MICAL3: variants seen among roughly 807,000 people sequenced by gnomAD.
MICAL3 encodes the protein [F-actin]-monooxygenase MICAL3.
A neutral mutation model predicts 207.4 loss-of-function variants in MICAL3; 62 were observed. The ratio of observed to expected loss-of-function variants is 0.30; its 90% CI spans 0.24 to 0.37. The LOEUF (loss-of-function observed/expected upper bound fraction) is 0.37. Among genes scored for constraint, MICAL3 ranks in the 10% least tolerant of loss-of-function variants. The probability of loss-of-function intolerance (pLI) is 1.00; values close to 1 mark genes in which losing one functional copy is unlikely to be tolerated. For missense variants in MICAL3, 2,368 were observed against 2,635.6 expected (o/e 0.90, Z 2.22); for synonymous variants, 1,077 against 1,069.3 (o/e 1.01, Z -0.14).
intron 1 of MICAL3, among the ~76,000 whole-genome samples, chr22:18,012,214 G>A (rs992809568): frequency 3.3e-5 from 5 of 152,314 alleles, no homozygotes; most frequent in East Asian, 1.9e-4. Flanking sequence ...AATCCTGGGC[G>A]ACAAAGCAAG....
intron 1 of MICAL3, among the ~76,000 whole-genome samples, chr22:17,947,632 A>T (rs1391291387): frequency 6.6e-6 from 1 of 152,082 alleles, no homozygotes; most frequent in African/African-American, 2.4e-5. Flanking sequence ...ATCATAGCTC[A>T]CTGTTAACCT....
intron 1 of MICAL3, among the ~76,000 whole-genome samples, chr22:17,987,180 G>A (rs1304982838): frequency 6.6e-6 from 1 of 152,182 alleles, no homozygotes; most frequent in African/African-American, 2.4e-5. Context: ...GTTCCAGGCT[G>A]CAGTGAGCTA....
intron 19 of MICAL3, among the ~76,000 whole-genome samples, chr22:17,851,763 A>G (rs1204030506): frequency 1.3e-5 from 2 of 152,220 alleles, no homozygotes; most frequent in Non-Finnish European, 2.9e-5. Flanking sequence ...AATTCTGACG[A>G]AGACGCCAAT....
intron 25 of MICAL3, 62 bp from the exon 26 acceptor site, chr22:17,819,191 TC>T: frequency 7.1e-7 from 1 of 1,408,506 alleles, no homozygotes. Flanking sequence ...AGCAGCATCC[TC>T]GGGGAGCCTT....
chr22:17,850,400 G>GTTTTTTTTTTTTTTTTT (rs565667574), intron 19 of MICAL3, among the ~76,000 whole-genome samples: 2 of 74,418 alleles, frequency 2.7e-5, no homozygotes, highest in Non-Finnish European at 2.6e-5. Context: ...TTTTGAATTA[G>GTTTTTTTTTTTTTTTTT]TTTTTTTTTT....
intron 1 of MICAL3, among the ~76,000 whole-genome samples, chr22:17,944,529 C>T (rs1372320856): frequency 6.6e-6 from 1 of 152,180 alleles, no homozygotes; most frequent in Non-Finnish European, 1.5e-5. Context: ...AGAGCCGACC[C>T]AGCCTCCGCT....
intron 19 of MICAL3, among the ~76,000 whole-genome samples, chr22:17,859,533 T>C (rs1383333485): frequency 1.3e-5 from 2 of 152,198 alleles, no homozygotes; most frequent in Non-Finnish European, 2.9e-5. Context: ...TAATGCAGGC[T>C]AGTCCCTCCA....
At chr22:17,920,383 C>T (rs1002452823) in intron 1 of MICAL3, among the ~76,000 whole-genome samples, 3 of 152,166 alleles carry the variant, frequency 2.0e-5, no homozygotes, top group Non-Finnish European at 4.4e-5. Context: ...GACCCTCTTC[C>T]GGTCATCTTT....
intron 14 of MICAL3, 25 bp downstream of exon 14, chr22:17,887,298 C>A (rs756939516): frequency 1.2e-6 from 2 of 1,610,250 alleles, no homozygotes; most frequent in Admixed American, 3.3e-5. Context: ...AGCTTTGCAG[C>A]CCATCAAGAG....
rs1386719858 is a variant in MICAL3, at chr22:17,917,142, T to C, written c.-74-10256A>G. 9.2e-5 allele frequency among the ~76,000 whole-genome samples: 14 copies of C among 152,026 alleles called. No individual in the cohort carries two copies. In the East Asian group the frequency reaches 1.4e-3, roughly 15 times the overall value. ...GTGCCCTGGAGGATCCTCCCTCCCG[T>C]AGATTTATCTACACAGTATCAATAA... On this transcript the variant is annotated intron_variant, in intron 1 of 31. Transcript: ENST00000441493.
intron 21 of MICAL3, among the ~76,000 whole-genome samples, chr22:17,828,320 C>T (rs1275412105): frequency 1.3e-5 from 2 of 152,134 alleles, no homozygotes; most frequent in African/African-American, 2.4e-5. Context: ...GTCATTCTGC[C>T]GCCAGCCGGC....
intron 1 of MICAL3, among the ~76,000 whole-genome samples, chr22:17,920,803 C>G (rs917794416): frequency 6.6e-6 from 1 of 152,176 alleles, no homozygotes; most frequent in East Asian, 1.9e-4. Context: ...CTGTTCTCCA[C>G]TCCTCAACCC....
chr22:17,958,584 T>G (rs1465076570), intron 1 of MICAL3, among the ~76,000 whole-genome samples: 1 of 152,186 alleles, frequency 6.6e-6, no homozygotes, highest in African/African-American at 2.4e-5. Flanking sequence ...CATCCGCCCA[T>G]GGAGTGGACC....
chr22:17,952,373 C>T (rs1220904116), intron 1 of MICAL3, among the ~76,000 whole-genome samples: 3 of 152,168 alleles, frequency 2.0e-5, no homozygotes, highest in Non-Finnish European at 4.4e-5. Flanking sequence ...GCATCCAGCC[C>T]ACGGGCCTGT....
chr22:17,943,476 T>G (rs1055594391), intron 1 of MICAL3, among the ~76,000 whole-genome samples: 5 of 152,234 alleles, frequency 3.3e-5, no homozygotes, highest in Non-Finnish European at 7.3e-5. Context: ...GCATCTATCC[T>G]TCTCTTAACA....
chr22:17,853,847 G>A lies in MICAL3; in HGVS notation c.2605+11052C>T, dbSNP rs151137966. The stretch of plus-strand genomic sequence containing the variant: ...AACACAGGATCTCTGCTTTTATTTT[G>A]CAGGTCTGCCTTCTAAAATGATCTG... On this transcript the variant is annotated intron_variant, in intron 19 of 31. Transcript: ENST00000441493. Among the ~76,000 whole-genome samples the A allele has an allele frequency of 2.9e-3, 443 of 152,338 alleles. 3 individuals are homozygous for A. The highest frequency in any genetic ancestry group is 0.01 in the African/African-American group (423 of 41,574).
intron 1 of MICAL3, among the ~76,000 whole-genome samples, chr22:17,921,070 C>T (rs1932790700): frequency 6.6e-6 from 1 of 152,132 alleles, no homozygotes; most frequent in African/African-American, 2.4e-5. Context: ...TACCCTAAAG[C>T]ATTTCTGTTA....
At chr22:17,804,067 C>T (rs1447996755) in intron 29 of MICAL3, among the ~76,000 whole-genome samples, 1 of 152,196 alleles carries the variant, frequency 6.6e-6, no homozygotes, top group Admixed American at 6.6e-5. Flanking sequence ...TATCTGCATA[C>T]TGCGTGGCTG....
chr22:18,016,105 A>G (rs537539563), intron 1 of MICAL3, among the ~76,000 whole-genome samples: 36 of 152,180 alleles, frequency 2.4e-4, no homozygotes, highest in Non-Finnish European at 4.1e-4. Flanking sequence ...ATCATGTTGC[A>G]TTCCCCACAA....
Sources: gnomAD v4.1 joint callset for allele counts (sites outside exome capture counted in the v4.1 genomes callset) on GRCh38, gnomAD v4.1.1 for gene constraint, MANE v1.5 for transcripts, NCBI Gene and HGNC (gene_info 2026-07-23, HGNC 2026-07-21) for gene names.